VPS13B: variants seen among roughly 807,000 people sequenced by gnomAD.
The protein encoded by VPS13B is intermembrane lipid transfer protein VPS13B.
In VPS13B, 285 loss-of-function variants were observed where a neutral mutation model predicts 426.4. The observed-to-expected ratio is 0.67, with a 90% CI of 0.61 to 0.74. The LOEUF (loss-of-function observed/expected upper bound fraction) is 0.74, where lower values mean the gene tolerates loss of function less well. Ranked by LOEUF, VPS13B falls within the 30% of genes least tolerant of loss-of-function variation. The probability of loss-of-function intolerance (pLI) is 0.00; values close to 1 mark genes in which losing one functional copy is unlikely to be tolerated. For missense variants in VPS13B, 4,537 were observed against 4,782.6 expected (o/e 0.95, Z 1.51); for synonymous variants, 1,676 against 1,676.4 (o/e 1.00, Z 0.01).
At chr8:99,721,092 G>A in intron 39 of VPS13B, 45 bp downstream of exon 39, 2 of 1,596,680 alleles carry the variant, frequency 1.3e-6, no homozygotes, top group Non-Finnish European at 1.7e-6. Context: ...TTGTGGGAAA[G>A]GGCTGATCAT....
intron 19 of VPS13B, among the ~76,000 whole-genome samples, chr8:99,363,305 A>G (rs2133242319): frequency 6.6e-6 from 1 of 152,282 alleles, no homozygotes; most frequent in East Asian, 1.9e-4. Context: ...CGTTGTTGAA[A>G]ATGAGTTCAC....
At chr8:99,127,486 A>G (rs1006560400) in intron 8 of VPS13B, among the ~76,000 whole-genome samples, 2 of 152,056 alleles carry the variant, frequency 1.3e-5, no homozygotes, top group Admixed American at 1.3e-4. Flanking sequence ...TTATCTACTA[A>G]TTTGCTCAGG....
At chr8:99,205,147 A>G (rs1202664313) in intron 17 of VPS13B, among the ~76,000 whole-genome samples, 1 of 152,238 alleles carries the variant, frequency 6.6e-6, no homozygotes, top group South Asian at 2.1e-4. Context: ...AATGTGGCAC[A>G]TATACACCAT....
At chr8:99,507,238 T>C in intron 28 of VPS13B, 35 bp downstream of exon 28, 1 of 1,601,050 alleles carries the variant, frequency 6.2e-7, no homozygotes, top group South Asian at 1.1e-5. Flanking sequence ...TTTTTGAAAA[T>C]GTACTTTAAA....
chr8:99,688,776 T>C (rs1831525347), intron 35 of VPS13B, among the ~76,000 whole-genome samples: 1 of 152,044 alleles, frequency 6.6e-6, no homozygotes, highest in African/African-American at 2.4e-5. Context: ...CAAATGTATG[T>C]AATGTATATA....
At chr8:99,148,710 T>C (rs1470497876) in intron 14 of VPS13B, among the ~76,000 whole-genome samples, 1 of 152,162 alleles carries the variant, frequency 6.6e-6, no homozygotes, top group African/African-American at 2.4e-5. Flanking sequence ...ATTCAGACAG[T>C]TTATTACTTA....
intron 33 of VPS13B, among the ~76,000 whole-genome samples, chr8:99,604,846 T>C (rs554730621): frequency 1.3e-5 from 2 of 152,318 alleles, no homozygotes; most frequent in Admixed American, 6.5e-5. Context: ...AATTTGGATT[T>C]GTCTGATGTT....
At chr8:99,846,957 T>C (rs1282966314) in intron 54 of VPS13B, among the ~76,000 whole-genome samples, 3 of 152,218 alleles carry the variant, frequency 2.0e-5, no homozygotes, top group African/African-American at 4.8e-5. Flanking sequence ...TAAAAAGGTT[T>C]CTACTGAATG....
chr8:99,086,888 A>G (rs1025900977), intron 3 of VPS13B, among the ~76,000 whole-genome samples: 2 of 152,110 alleles, frequency 1.3e-5, no homozygotes, highest in Non-Finnish European at 2.9e-5. Flanking sequence ...CCTCCCAGTT[A>G]GGCTACTCGG....
intron 39 of VPS13B, among the ~76,000 whole-genome samples, chr8:99,734,369 G>C (rs1158525135): frequency 1.3e-5 from 2 of 152,168 alleles, no homozygotes; most frequent in Non-Finnish European, 2.9e-5. Flanking sequence ...AAAAGATGAT[G>C]ATGATGATTA....
At chr8:99,127,209 A>G (rs1311025271) in intron 8 of VPS13B, among the ~76,000 whole-genome samples, 1 of 151,962 alleles carries the variant, frequency 6.6e-6, no homozygotes, top group Non-Finnish European at 1.5e-5. Flanking sequence ...AAATGTTGGC[A>G]TATAGGGCTT....
chr8:99,176,389 G>T (rs1028423050), intron 16 of VPS13B, among the ~76,000 whole-genome samples: 1 of 152,024 alleles, frequency 6.6e-6, no homozygotes, highest in African/African-American at 2.4e-5. Flanking sequence ...TGCCCACCTT[G>T]GCCTCCCAAA....
chr8:99,564,499 C>T (rs866827695), intron 31 of VPS13B, among the ~76,000 whole-genome samples: 5 of 151,998 alleles, frequency 3.3e-5, no homozygotes, highest in Admixed American at 6.5e-5. Flanking sequence ...GGGGTAAGGC[C>T]GGGAGGCTGG....
chr8:99,828,405 T>G lies in VPS13B; in HGVS notation c.9331-3964T>G, dbSNP rs1210302767. 9.4e-4 allele frequency among the ~76,000 whole-genome samples: 37 copies of G among 39,232 alleles called. 1 individual carries two copies. The highest frequency in any genetic ancestry group is 1.9e-3 in the East Asian group (2 of 1,048). The allele number at this position is 39,232 out of a possible 152,430, so 25.7% of individuals were successfully genotyped here. ...GGATTACAACCACCGTTTTTTTTTT[T>G]TTTTTTTTTTTTTTTTTTTTTTTTT... On this transcript the variant is annotated intron_variant, in intron 51 of 61. Coordinates refer to ENST00000357162, the MANE Select transcript of VPS13B (RefSeq NM_152564.5).
intron 19 of VPS13B, among the ~76,000 whole-genome samples, chr8:99,313,267 T>C (rs901358124): frequency 5.3e-5 from 8 of 152,194 alleles, no homozygotes; most frequent in South Asian, 2.1e-4. Flanking sequence ...TTTTCAGCTT[T>C]TCTGGTCTGT....
chr8:99,490,988 T>G (rs1489917998), intron 25 of VPS13B, among the ~76,000 whole-genome samples: 1 of 152,170 alleles, frequency 6.6e-6, no homozygotes, highest in Non-Finnish European at 1.5e-5. Context: ...TCTTTTCATT[T>G]TGATTTTAGG....
chr8:99,785,073 C>A (rs1230700942), intron 43 of VPS13B, among the ~76,000 whole-genome samples: 1 of 152,052 alleles, frequency 6.6e-6, no homozygotes, highest in Non-Finnish European at 1.5e-5. Flanking sequence ...AAAAGACACA[C>A]CAAAGGATGT....
chr8:99,536,819 G>A (rs1823264648), intron 30 of VPS13B: 2 of 517,040 alleles, frequency 3.9e-6, no homozygotes, highest in South Asian at 2.9e-5. Context: ...GTTTCCAGGT[G>A]ATTTTAAGAA....
At chr8:99,468,155 G>C (rs1819210947) in intron 24 of VPS13B, among the ~76,000 whole-genome samples, 1 of 152,006 alleles carries the variant, frequency 6.6e-6, no homozygotes, top group Non-Finnish European at 1.5e-5. Flanking sequence ...CGACCCCCCA[G>C]CCCACGACAG....
Sources: gnomAD v4.1 joint callset for allele counts (sites outside exome capture counted in the v4.1 genomes callset) on GRCh38, gnomAD v4.1.1 for gene constraint, MANE v1.5 for transcripts, NCBI Gene and HGNC (gene_info 2026-07-23, HGNC 2026-07-21) for gene names.